SYNE2: variants seen among roughly 807,000 people sequenced by gnomAD.
SYNE2 encodes nesprin-2.
SYNE2 carries 431 observed loss-of-function variants against 856.3 expected under a neutral mutation model. The ratio of observed to expected loss-of-function variants is 0.50; its 90% CI spans 0.47 to 0.55. The LOEUF is 0.55. Among genes scored for constraint, SYNE2 ranks in the 20% least tolerant of loss-of-function variants. SYNE2 has a pLI of 0.00. For missense variants in SYNE2, 8,129 were observed against 8,023.2 expected (o/e 1.01, Z -0.50); for synonymous variants, 2,923 against 2,872.3 (o/e 1.02, Z -0.56).
chr14:64,064,322 G>A (rs903576911), intron 50 of SYNE2, among the ~76,000 whole-genome samples: 1 of 152,130 alleles, frequency 6.6e-6, no homozygotes, highest in Non-Finnish European at 1.5e-5. Context: ...GGGAAGATTC[G>A]TATCCCAGGT....
At chr14:64,037,686 C>T (rs61984117) in intron 45 of SYNE2, among the ~76,000 whole-genome samples, 163 of 14,650 alleles carry the variant, frequency 0.011, 1 homozygote, top group South Asian at 0.024. Flanking sequence ...CAGAGGGGCC[C>T]CTCACTTCCC....
chr14:63,991,117 T>TG lies in SYNE2; in HGVS notation c.2646+5dup, dbSNP rs749016583. 1 of 1,613,938 alleles carries TG rather than the reference T, an allele frequency of 6.2e-7. No homozygotes were observed. The highest frequency in any genetic ancestry group is 1.1e-5 in the South Asian group (1 of 91,054). On this transcript the variant is annotated splice_region_variant and intron_variant, in intron 21 of 115. Coordinates refer to ENST00000555002, the MANE Select transcript of SYNE2 (RefSeq NM_182914.3). Reference sequence around the variant, plus strand: ...GGTGAACTCATTTCAAAACACAAGGTGGGAATCTTTTCAACCATCAAATGT... The same window carrying TG: ...GGTGAACTCATTTCAAAACACAAGGTGGGGAATCTTTTCAACCATCAAATGT...
Position 64,202,825 on chromosome 14 carries a change from T to G in SYNE2, c.18063T>G (p.Phe6021Leu). 1 of 1,614,236 alleles carries G rather than the reference T, an allele frequency of 6.2e-7. No individual in the cohort carries two copies. Residue 6021 changes from phenylalanine (F) to leucine (L), a missense_variant, in exon 100 of 116, where the codon TTT becomes TTG. Coordinates refer to ENST00000555002, the MANE Select transcript of SYNE2 (RefSeq NM_182914.3). Reference protein sequence around the residue: ...GSRVKKLKETFAFIQQLDKNM... With the variant: ...GSRVKKLKETLAFIQQLDKNM... Reference sequence around the variant, plus strand: ...GGGTGAAGAAGCTGAAGGAGACCTTTGCTTTTATTCAGCAGTTGGACAAAA... The same window carrying G: ...GGGTGAAGAAGCTGAAGGAGACCTTGGCTTTTATTCAGCAGTTGGACAAAA...
rs773990537 is a variant in SYNE2, at chr14:64,065,548, G to A, written c.10329G>A (p.Val3443=). The A allele has an allele frequency of 3.1e-6, 5 of 1,614,152 alleles. No homozygotes were observed. Among genetic ancestry groups the A allele is most frequent in the South Asian group, 2.2e-5 (2 of 91,080 alleles). ...ATGGCATATGTTTGCTCAAGATTGT[G>A]TCGGCTCTGTGGGAGAAATGGCTGA... ...ENDGICLLKI[V]SALWEKWLSL... The change falls in exon 51 of 116, where the codon GTG becomes GTA. Residue 3443 remains valine, a synonymous_variant. Transcript: ENST00000555002.
At chr14:64,183,195 C>A (rs908500017) in intron 96 of SYNE2, among the ~76,000 whole-genome samples, 9 of 149,662 alleles carry the variant, frequency 6.0e-5, no homozygotes, top group Non-Finnish European at 1.2e-4. Context: ...CCTCACTTCC[C>A]GGACGTGGCA....
intron 49 of SYNE2, among the ~76,000 whole-genome samples, chr14:64,056,473 CTT>C (rs373743691): frequency 7.0e-6 from 1 of 142,990 alleles, no homozygotes; most frequent in Non-Finnish European, 1.5e-5. Context: ...TGTATTTCTT[CTT>C]TTTTTTTTTT....
At chr14:64,101,605 G>A (rs1172179970) in intron 63 of SYNE2, among the ~76,000 whole-genome samples, 3 of 152,098 alleles carry the variant, frequency 2.0e-5, no homozygotes. Context: ...ACAGTGCCTG[G>A]CCTCAAAGAT....
At chr14:64,224,636 T>TA in intron 114 of SYNE2, 89 bp downstream of exon 114, 1 of 1,462,486 alleles carries the variant, frequency 6.8e-7, no homozygotes, top group South Asian at 1.2e-5. Flanking sequence ...AAGAGCCCAT[T>TA]AGCCATTTCA....
intron 80 of SYNE2, 67 bp from the exon 81 acceptor site, chr14:64,141,273 GT>G (rs1199984609): frequency 7.6e-7 from 1 of 1,315,336 alleles, no homozygotes; most frequent in African/African-American, 1.5e-5. Context: ...ACTCTAGCCA[GT>G]TATTCCGACT....
intron 52 of SYNE2, among the ~76,000 whole-genome samples, chr14:64,072,724 C>T (rs904173924): frequency 3.3e-5 from 5 of 152,158 alleles, no homozygotes; most frequent in East Asian, 1.9e-4. Context: ...TGGTCTCGAA[C>T]GCCTGACTTC....
chr14:64,010,159 C>G lies in SYNE2; in HGVS notation c.4728+43C>G, dbSNP rs373152294. ...TAGAAAAAACTGCCCAGTGACCTCA[C>G]TGACAGGCCTGGTAGTAAAGAGATA... On this transcript the variant is annotated intron_variant, in intron 32 of 115. Transcript: ENST00000555002. 57 of 1,574,524 alleles carry G rather than the reference C, an allele frequency of 3.6e-5. 2 individuals carry two copies. In the African/African-American group the frequency reaches 4.7e-4, roughly 13 times the overall value.
At chr14:64,083,168 T>C (rs2153614882) in intron 57 of SYNE2, among the ~76,000 whole-genome samples, 1 of 152,304 alleles carries the variant, frequency 6.6e-6, no homozygotes, top group African/African-American at 2.4e-5. Context: ...TTGGCATATT[T>C]TTTTCTTACG....
chr14:64,024,159 G>T (rs558757667), intron 38 of SYNE2, 98 bp from the exon 39 acceptor site: 11 of 947,860 alleles, frequency 1.2e-5, no homozygotes, highest in South Asian at 2.7e-5. Flanking sequence ...TAAGAAGGTG[G>T]TATGTCTGTG....
At chr14:64,053,761 A>G in intron 48 of SYNE2, 104 bp downstream of exon 48, 1 of 1,158,710 alleles carries the variant, frequency 8.6e-7, no homozygotes, top group East Asian at 2.5e-5. Context: ...GAGGCCAAGT[A>G]GAGACCAGCC....
At position 64,221,669 on chromosome 14, in the gene SYNE2, C is replaced by A. The variant is rs781481614; in HGVS notation, c.20155C>A (p.Pro6719Thr). 6.2e-7 allele frequency: 1 copy of A among 1,614,122 alleles called. No individual in the cohort carries two copies. The highest frequency in any genetic ancestry group is 2.2e-5 in the East Asian group (1 of 44,874). Residue 6719 changes from proline to threonine, a missense_variant, in exon 112 of 116, where the codon CCC becomes ACC. Around this residue, in one of 3 missense-constraint regions of SYNE2, gnomAD observed 5,410 missense variants for 5,284.8 expected, o/e 1.02. Transcript: ENST00000555002. Reference sequence around the variant, plus strand: ...TCATGTCACCGATCCAAAGGCAGACCCCCGGGCTCTCCTAGAGTGTCGGAG... The same window carrying A: ...TCATGTCACCGATCCAAAGGCAGACACCCGGGCTCTCCTAGAGTGTCGGAG... Reference protein sequence around the residue: ...KAHVTDPKADPRALLECRREL... With the variant: ...KAHVTDPKADTRALLECRREL...
intron 94 of SYNE2, among the ~76,000 whole-genome samples, chr14:64,171,914 G>A (rs974956606): frequency 2.6e-5 from 4 of 152,198 alleles, no homozygotes; most frequent in African/African-American, 7.2e-5. Flanking sequence ...GCAGTGTTGC[G>A]ATCTTGGCTC....
intron 32 of SYNE2, among the ~76,000 whole-genome samples, chr14:64,013,299 C>T (rs1211929599): frequency 2.0e-5 from 3 of 147,144 alleles, no homozygotes; most frequent in African/African-American, 7.5e-5. Flanking sequence ...AACATTTTTG[C>T]TTAAAAATTT....
chr14:63,866,214 C>T (rs1208089435), intron 1 of SYNE2, among the ~76,000 whole-genome samples: 2 of 152,144 alleles, frequency 1.3e-5, no homozygotes, highest in African/African-American at 4.8e-5. Flanking sequence ...CAACATTTTC[C>T]TGAGTAGAAA....
At position 64,073,919 on chromosome 14, in the gene SYNE2, A is replaced by G. The variant is rs1229310939; in HGVS notation, c.10698-49A>G. ...GCAATAAAACTGTTTCATTTTATTC[A>G]TAGAAGAGCAGGATAAAGAAACAAT... On this transcript the variant is annotated intron_variant, in intron 52 of 115. Coordinates refer to ENST00000555002, the MANE Select transcript of SYNE2 (RefSeq NM_182914.3). 1.9e-6 allele frequency: 3 copies of G among 1,583,996 alleles called. No homozygotes were observed. The African/African-American group carries it at 4.0e-5, about 21-fold the overall frequency.
Sources: gnomAD v4.1 joint callset for allele counts (sites outside exome capture counted in the v4.1 genomes callset) on GRCh38, gnomAD v4.1.1 for gene constraint, gnomAD v4.1.1 regional missense constraint, MANE v1.5 for transcripts, NCBI Gene and HGNC (gene_info 2026-07-23, HGNC 2026-07-21) for gene names.